The following KCNIP4 variants were observed in gnomAD, a reference collection of about 807,000 sequenced individuals.
The protein encoded by KCNIP4 is Kv channel-interacting protein 4.
KCNIP4 carries 12 observed loss-of-function variants against 34.0 expected under a neutral mutation model. That is an observed-to-expected ratio of 0.35 (90% CI 0.23 to 0.57). The LOEUF (loss-of-function observed/expected upper bound fraction) is 0.57, where lower values mean the gene tolerates loss of function less well. KCNIP4 is among the 20% of genes least tolerant of loss of function. KCNIP4 has a pLI of 0.83. For missense variants in KCNIP4, 238 were observed against 311.7 expected (o/e 0.76, Z 1.78); for synonymous variants, 124 against 102.2 (o/e 1.21, Z -1.29).
intron 1 of KCNIP4, among the ~76,000 whole-genome samples, chr4:21,841,199 G>A (rs1723656682): frequency 6.6e-6 from 1 of 152,072 alleles, no homozygotes. Context: ...ATGAACTAAG[G>A]CAGAGATCAC....
intron 1 of KCNIP4, among the ~76,000 whole-genome samples, chr4:21,654,815 T>G (rs2108977538): frequency 6.6e-6 from 1 of 152,130 alleles, no homozygotes; most frequent in African/African-American, 2.4e-5. Context: ...TCCCAGCTAC[T>G]TGGGAGGCTG....
At chr4:21,758,852 C>G (rs1253685667) in intron 1 of KCNIP4, among the ~76,000 whole-genome samples, 1 of 152,136 alleles carries the variant, frequency 6.6e-6, no homozygotes, top group Non-Finnish European at 1.5e-5. Flanking sequence ...CCACTGCCCA[C>G]TTGCAATGTG....
intron 1 of KCNIP4, among the ~76,000 whole-genome samples, chr4:21,616,446 T>C (rs1744612675): frequency 6.6e-6 from 1 of 152,224 alleles, no homozygotes; most frequent in Admixed American, 6.5e-5. Flanking sequence ...TTTACCAATG[T>C]GTTGCAATTG....
chr4:21,474,771 C>T (rs1445120491), intron 1 of KCNIP4, among the ~76,000 whole-genome samples: 2 of 151,596 alleles, frequency 1.3e-5, no homozygotes, highest in Non-Finnish European at 2.9e-5. Flanking sequence ...CCGAGGTGGG[C>T]TGATCACAAG....
chr4:21,717,648 C>G (rs777176275), intron 1 of KCNIP4, among the ~76,000 whole-genome samples: 3 of 152,120 alleles, frequency 2.0e-5, no homozygotes, highest in Non-Finnish European at 4.4e-5. Context: ...TAATTTTACT[C>G]TTGATTGCTT....
chr4:20,989,449 T>G (rs1054185924), intron 1 of KCNIP4, among the ~76,000 whole-genome samples: 7 of 152,172 alleles, frequency 4.6e-5, no homozygotes, highest in Admixed American at 6.5e-5. Context: ...ATCCTTGACT[T>G]GCTTAGTATA....
At chr4:21,153,037 A>G (rs1344918720) in intron 1 of KCNIP4, among the ~76,000 whole-genome samples, 1 of 152,176 alleles carries the variant, frequency 6.6e-6, no homozygotes. Context: ...CATTGATTCA[A>G]CTATTCCTTA....
chr4:21,871,685 T>G (rs1032983426), intron 1 of KCNIP4, among the ~76,000 whole-genome samples: 2 of 152,004 alleles, frequency 1.3e-5, no homozygotes, highest in Non-Finnish European at 2.9e-5. Context: ...TTTCTCATCC[T>G]CCACCATCTC....
chr4:21,056,314 CCT>C (rs1168296774), intron 1 of KCNIP4, among the ~76,000 whole-genome samples: 2 of 152,112 alleles, frequency 1.3e-5, no homozygotes, highest in Non-Finnish European at 2.9e-5. Context: ...CTTATAAAAT[CCT>C]CTCAGTTTAC....
At chr4:21,493,255 A>C (rs1373100711) in intron 1 of KCNIP4, among the ~76,000 whole-genome samples, 4 of 151,964 alleles carry the variant, frequency 2.6e-5, no homozygotes, top group South Asian at 4.2e-4. Context: ...GCCTCTAAAC[A>C]CTGGGGCTTC....
chr4:21,399,564 G>A (rs201503419), intron 1 of KCNIP4, among the ~76,000 whole-genome samples: 1 of 151,980 alleles, frequency 6.6e-6, no homozygotes, highest in East Asian at 1.9e-4. Flanking sequence ...AAGCCAGTTT[G>A]AACTGGCTTT....
chr4:21,117,305 G>C (rs796159671), intron 1 of KCNIP4, among the ~76,000 whole-genome samples: 26 of 40,650 alleles, frequency 6.4e-4, no homozygotes, highest in East Asian at 2.3e-3. Flanking sequence ...GTTGCCGGGG[G>C]GGGGGGGGGG....
In KCNIP4 at chr4:21,571,423, G is replaced by A. The variant is rs1740359999; in HGVS notation, c.61+377148C>T. Among the ~76,000 whole-genome samples, 2 of 152,296 alleles carry A rather than the reference G, an allele frequency of 1.3e-5. 1 individual carries two copies. The highest frequency in any genetic ancestry group is 4.8e-5 in the African/African-American group (2 of 41,562). On this transcript the variant is annotated intron_variant, in intron 1 of 8. Transcript: ENST00000382152. ...AGAAAGGATAGTTAAATGCAGAAAT[G>A]CAAATCTGTAGGCTGGAGTTGCTCT...
chr4:21,783,429 G>C (rs1423296203), intron 1 of KCNIP4, among the ~76,000 whole-genome samples: 1 of 152,080 alleles, frequency 6.6e-6, no homozygotes, highest in Non-Finnish European at 1.5e-5. Context: ...TATAAATAAT[G>C]TGGATTGGGG....
chr4:21,367,949 T>C (rs1174369764), intron 1 of KCNIP4, among the ~76,000 whole-genome samples: 4 of 147,408 alleles, frequency 2.7e-5, no homozygotes, highest in African/African-American at 1.1e-4. Context: ...GAGCTAGTGT[T>C]TGTATCTTGC....
At chr4:21,025,138 TAA>T (rs1227331760) in intron 1 of KCNIP4, among the ~76,000 whole-genome samples, 8 of 152,168 alleles carry the variant, frequency 5.3e-5, no homozygotes, top group Admixed American at 6.5e-5. Flanking sequence ...TTTTACATGC[TAA>T]AGTCATATAG....
chr4:21,528,867 GGA>G (rs1736408233), intron 1 of KCNIP4, among the ~76,000 whole-genome samples: 3 of 149,516 alleles, frequency 2.0e-5, no homozygotes, highest in South Asian at 2.2e-4. Flanking sequence ...AAGGAAGGAA[GGA>G]AGGGAAATTC....
At chr4:21,528,747 GAAA>G (rs1560489808) in intron 1 of KCNIP4, among the ~76,000 whole-genome samples, 332 of 7,896 alleles carry the variant, frequency 0.042, 38 homozygotes, top group Admixed American at 0.063. Flanking sequence ...AAGAAAGAAA[GAAA>G]GAAAGAAAGA....
intron 1 of KCNIP4, among the ~76,000 whole-genome samples, chr4:21,542,586 A>T (rs1737799384): frequency 6.6e-6 from 1 of 151,660 alleles, no homozygotes; most frequent in Non-Finnish European, 1.5e-5. Flanking sequence ...TAGAATTTAG[A>T]TTAAAGTAAT....
Sources: allele counts gnomAD v4.1 joint callset (sites outside exome capture counted in the v4.1 genomes callset), GRCh38; gene constraint gnomAD v4.1.1; transcripts MANE v1.5; gene names NCBI Gene and HGNC (gene_info 2026-07-23, HGNC 2026-07-21).